LCA5: variants seen among roughly 807,000 people sequenced by gnomAD.
LCA5 encodes lebercilin LCA5, also known as lebercilin.
A neutral mutation model predicts 53.0 loss-of-function variants in LCA5; 37 were observed. The ratio of observed to expected loss-of-function variants is 0.70; its 90% CI spans 0.54 to 0.92. LCA5 has a LOEUF of 0.92. LCA5 is among the 40% of genes least tolerant of loss of function. The probability of loss-of-function intolerance (pLI) is 0.00; values close to 1 mark genes in which losing one functional copy is unlikely to be tolerated. For synonymous variants in LCA5, 303 were observed against 282.9 expected, an observed-to-expected ratio of 1.07 and a Z score of -0.71; for missense variants, 806 against 790.5, an observed-to-expected ratio of 1.02 and a Z score of -0.23.
chr6:79,505,840 C>T (rs967831713), intron 3 of LCA5, among the ~76,000 whole-genome samples: 2 of 152,012 alleles, frequency 1.3e-5, no homozygotes, highest in African/African-American at 4.8e-5. Context: ...CCTACCTGGC[C>T]CAATACTAGA....
intron 3 of LCA5, among the ~76,000 whole-genome samples, chr6:79,498,843 A>G (rs1247378271): frequency 6.6e-6 from 1 of 152,146 alleles, no homozygotes; most frequent in African/African-American, 2.4e-5. Flanking sequence ...AAATTTTAAG[A>G]AACAGATTAT....
In LCA5 at chr6:79,487,378, T is replaced by C. The variant is rs1769696436; in HGVS notation, c.1720A>G (p.Ser574Gly). Residue 574 changes from serine (S) to glycine (G), a missense_variant, in exon 8 of 8, where the codon AGT (serine) becomes GGT (glycine). By Grantham distance (56) the Ser-to-Gly change is moderately conservative. Transcript: ENST00000369846. ...TTTCTTTGGAAATCCAAAAAACTAC[T>C]TTTTTGACTAAATGGATTTGACCTC... ...SERSNPFSQK[S>G]SFLDFQRNSM... is the part of the protein sequence containing the mutation. The C allele has an allele frequency of 2.5e-6, 4 of 1,612,826 alleles. No homozygotes were observed. The highest frequency in any genetic ancestry group is 2.5e-6 in the Non-Finnish European group (3 of 1,179,580).
chr6:79,536,122 C>G (rs1369324681), intron 1 of LCA5, among the ~76,000 whole-genome samples: 1 of 152,126 alleles, frequency 6.6e-6, no homozygotes, highest in East Asian at 1.9e-4. Flanking sequence ...TTTCCTATAA[C>G]TTATTTGGAT....
chr6:79,501,237 G>C (rs1464863111), intron 3 of LCA5, among the ~76,000 whole-genome samples: 3 of 152,060 alleles, frequency 2.0e-5, no homozygotes, highest in Non-Finnish European at 2.9e-5. Flanking sequence ...GATCAATCTT[G>C]ATCTTGTCAT....
intron 1 of LCA5, among the ~76,000 whole-genome samples, chr6:79,523,051 T>G (rs2047896): frequency 0.094 from 14,229 of 152,168 alleles, 1,488 homozygotes; most frequent in East Asian, 0.55. Context: ...AGTTGATGAT[T>G]ATGTAAACTG....
intron 2 of LCA5, among the ~76,000 whole-genome samples, chr6:79,517,458 G>T (rs566604552): frequency 1.3e-5 from 2 of 152,156 alleles, no homozygotes; most frequent in East Asian, 3.9e-4. Context: ...TCAACCTTAA[G>T]ATCTGTTTTG....
intron 1 of LCA5, among the ~76,000 whole-genome samples, chr6:79,535,332 T>C (rs1224214618): frequency 6.6e-6 from 1 of 152,098 alleles, no homozygotes; most frequent in East Asian, 1.9e-4. Flanking sequence ...CAAGGATCCA[T>C]CTCCAATCTA....
chr6:79,498,063 C>T (rs956582573), intron 3 of LCA5, among the ~76,000 whole-genome samples: 1 of 150,980 alleles, frequency 6.6e-6, no homozygotes, highest in Admixed American at 6.6e-5. Context: ...ATAGTATAAC[C>T]ATAATTTTAC....
intron 2 of LCA5, 106 bp from the exon 3 acceptor site, chr6:79,513,847 C>T: frequency 9.3e-7 from 1 of 1,078,124 alleles, no homozygotes; most frequent in African/African-American, 1.6e-5. Context: ...TTATTTTTGT[C>T]TTTAAGAAAG....
chr6:79,522,524 T>G (rs1297350754), intron 1 of LCA5, among the ~76,000 whole-genome samples: 1 of 151,996 alleles, frequency 6.6e-6, no homozygotes, highest in African/African-American at 2.4e-5. Context: ...AAAACTAGAT[T>G]CTTTAATGAA....
At chr6:79,491,866 A>G in intron 5 of LCA5, 136 bp from the exon 6 acceptor site, 1 of 707,666 alleles carries the variant, frequency 1.4e-6, no homozygotes, top group Non-Finnish European at 2.4e-6. Context: ...CTTCATTTAA[A>G]TGGAGAATAT....
rs112142194 is a variant in LCA5, at chr6:79,519,009, C to A, written c.-115G>T. 20 of 1,027,536 alleles carry A rather than the reference C, an allele frequency of 1.9e-5. No homozygotes were observed. The highest frequency in any genetic ancestry group is 1.7e-4 in the African/African-American group (11 of 63,630). The allele number at this position is 1,027,536 out of a possible 1,614,324, so 63.7% of individuals were successfully genotyped here. A position where few individuals can be genotyped will look rare whatever the true frequency, so the allele number is the denominator to read the frequency against. On this transcript the variant is annotated 5_prime_UTR_variant, in exon 2 of 8. Coordinates refer to ENST00000369846, the MANE Select transcript of LCA5 (RefSeq NM_001122769.3). ...CTTCAGATCCTGATAATATTCATTT[C>A]TGTGCAATCTATTTTCTCCACAATG...
intron 3 of LCA5, among the ~76,000 whole-genome samples, chr6:79,505,155 A>C: frequency 6.6e-6 from 1 of 152,202 alleles, no homozygotes; most frequent in East Asian, 1.9e-4. Context: ...ATATTAACAC[A>C]AAATTGCCTT....
chr6:79,510,139 G>A (rs1037365407), intron 3 of LCA5, among the ~76,000 whole-genome samples: 4 of 152,098 alleles, frequency 2.6e-5, no homozygotes, highest in Non-Finnish European at 4.4e-5. Flanking sequence ...AGAGTGTATA[G>A]TAACAACAAA....
intron 1 of LCA5, among the ~76,000 whole-genome samples, chr6:79,534,315 T>G (rs1179358216): frequency 6.7e-6 from 1 of 150,034 alleles, no homozygotes. Context: ...AATCAGCTTA[T>G]TTTAAACATT....
At chr6:79,491,456 T>A (rs1021489346) in intron 6 of LCA5, 132 bp downstream of exon 6, 7 of 933,736 alleles carry the variant, frequency 7.5e-6, no homozygotes, top group Non-Finnish European at 1.2e-5. Context: ...CTCTTTCCCT[T>A]CAAAAAGGCT....
At chr6:79,518,203 A>C (rs1283048435) in intron 2 of LCA5, among the ~76,000 whole-genome samples, 1 of 152,176 alleles carries the variant, frequency 6.6e-6, no homozygotes, top group Non-Finnish European at 1.5e-5. Flanking sequence ...AACACACTTC[A>C]AAAGAAAGCA....
rs558312485 is a variant in LCA5, at chr6:79,526,024, G to A, written c.-191-6939C>T. The stretch of plus-strand genomic sequence containing the variant: ...CTCACTAAACAAGTATGTGGAAGTC[G>A]TGTAACTTGTCAAAGAGTAAACAAA... On this transcript the variant is annotated intron_variant, in intron 1 of 7. Coordinates refer to ENST00000369846, the MANE Select transcript of LCA5 (RefSeq NM_001122769.3). 4.6e-5 allele frequency among the ~76,000 whole-genome samples: 7 copies of A among 152,306 alleles called. No homozygotes were observed. The South Asian group carries it at 1.5e-3, about 32-fold the overall frequency.
At chr6:79,532,313 T>A (rs1448802820) in intron 1 of LCA5, among the ~76,000 whole-genome samples, 1 of 152,214 alleles carries the variant, frequency 6.6e-6, no homozygotes, top group Non-Finnish European at 1.5e-5. Flanking sequence ...AACCTCCTGA[T>A]ATTCCACTTT....
Sources: gnomAD v4.1 joint callset for allele counts (sites outside exome capture counted in the v4.1 genomes callset) on GRCh38, gnomAD v4.1.1 for gene constraint, MANE v1.5 for transcripts, NCBI Gene and HGNC (gene_info 2026-07-23, HGNC 2026-07-21) for gene names.